HTR1A: variants seen among roughly 807,000 people sequenced by gnomAD.
HTR1A encodes 5-HT1a receptor.
A neutral mutation model predicts 24.6 loss-of-function variants in HTR1A; 17 were observed. That is an observed-to-expected ratio of 0.69 (90% confidence interval 0.47 to 1.04). The LOEUF (loss-of-function observed/expected upper bound fraction) is 1.04, where lower values mean the gene tolerates loss of function less well. Among genes scored for constraint, HTR1A ranks in the 50% least tolerant of loss-of-function variants. HTR1A has a pLI of 0.00. For synonymous variants in HTR1A, 262 were observed against 244.6 expected (o/e 1.07, Z -0.67); for missense variants, 515 against 565.1 (o/e 0.91, Z 0.90).
In HTR1A at chr5:63,960,625, A is replaced by T. The variant is rs763028970; in HGVS notation, c.1095T>A (p.Ala365=). The T allele has an allele frequency of 6.2e-7, 1 of 1,614,264 alleles. No homozygotes were observed. Among genetic ancestry groups the T allele is most frequent in the East Asian group, 2.2e-5 (1 of 44,874 alleles). Residue 365 remains alanine, a synonymous_variant, in exon 1 of 1, where the codon GCT becomes GCA. Coordinates refer to ENST00000323865, the MANE Select transcript of HTR1A (RefSeq NM_000524.4). The part of the protein sequence containing the change: ...ILCWLPFFIV[A]LVLPFCESSC... Reference sequence around the variant, plus strand: ...TGCTCTCGCAGAAGGGCAGAACAAGAGCCACGATGAAGAAGGGCAGCCAGC... The same window carrying T: ...TGCTCTCGCAGAAGGGCAGAACAAGTGCCACGATGAAGAAGGGCAGCCAGC...
rs1746378638 is a variant in HTR1A, at chr5:63,959,457, C to A, written c.*994G>T. Among the ~76,000 whole-genome samples the A allele has an allele frequency of 6.6e-6, 1 of 152,256 alleles. No individual in the cohort carries two copies. The highest frequency in any genetic ancestry group is 2.4e-5 in the African/African-American group (1 of 41,478). On this transcript the variant is annotated 3_prime_UTR_variant, in exon 1 of 1. Coordinates refer to ENST00000323865, the MANE Select transcript of HTR1A (RefSeq NM_000524.4). Reference sequence around the variant, plus strand: ...GAGAGCACAGATGGCTGGGGAGGCGCGCGGATTCCAGGCCTCTCAGCTTCC... The same window carrying A: ...GAGAGCACAGATGGCTGGGGAGGCGAGCGGATTCCAGGCCTCTCAGCTTCC...
rs1221427157 is a variant in HTR1A at position 63,959,402 on chromosome 5, G to C, written c.*1049C>G. ...AGGCGGAGGAACCCAGATCCTGTAAGTCAGCAGCCGGGAGCGCCTAGCGCG... is the reference window on the plus strand; with the variant it reads ...AGGCGGAGGAACCCAGATCCTGTAACTCAGCAGCCGGGAGCGCCTAGCGCG... On this transcript the variant is annotated 3_prime_UTR_variant, in exon 1 of 1. Transcript: ENST00000323865. 1.3e-5 allele frequency among the ~76,000 whole-genome samples: 2 copies of C among 152,252 alleles called. No individual in the cohort carries two copies. The highest frequency in any genetic ancestry group is 2.9e-5 in the Non-Finnish European group (2 of 68,050).
rs1480012750 is a variant in HTR1A at position 63,959,721 on chromosome 5, T to C, written c.*730A>G. On this transcript the variant is annotated 3_prime_UTR_variant, in exon 1 of 1. Transcript: ENST00000323865. Reference sequence around the variant, plus strand: ...GTACTTACAAGTCCACTCTAAAAGATACCTTCTAGCCACTTGCTTTGAGTC... The same window carrying C: ...GTACTTACAAGTCCACTCTAAAAGACACCTTCTAGCCACTTGCTTTGAGTC... Among the ~76,000 whole-genome samples the C allele has an allele frequency of 6.6e-6, 1 of 152,226 alleles. No individual in the cohort carries two copies. Among genetic ancestry groups the C allele is most frequent in the Admixed American group, 6.5e-5 (1 of 15,284 alleles).
chr5:63,961,861 C>G lies in HTR1A; in HGVS notation c.-142G>C, dbSNP rs1746448145. ...CAGAGACCCAAGCAGGAAGTTCTTA[C>G]TGCTTCGGCGAAGGGTATCTCCGAG... On this transcript the variant is annotated 5_prime_UTR_variant, in exon 1 of 1. Coordinates refer to ENST00000323865, the MANE Select transcript of HTR1A (RefSeq NM_000524.4). The G allele has an allele frequency of 1.2e-6, 1 of 824,444 alleles. No individual in the cohort carries two copies. The highest frequency in any genetic ancestry group is 2.0e-5 in the Admixed American group (1 of 48,836). 51.1% of individuals were successfully genotyped at this position (824,444 alleles called of 1,614,324 possible). A position where few individuals can be genotyped will look rare whatever the true frequency, so the allele number is the denominator to read the frequency against.
rs200842967 is a variant in HTR1A, at chr5:63,960,415, T to C, written c.*36A>G. The stretch of plus-strand genomic sequence containing the variant: ...GGGGAAGCATAGTGAATGGGACGGA[T>C]CCTGTAGCCTCGACTGGCCGGCTAC... On this transcript the variant is annotated 3_prime_UTR_variant, in exon 1 of 1. Transcript: ENST00000323865. The C allele has an allele frequency of 3.3e-5, 53 of 1,603,034 alleles. No individual in the cohort carries two copies. The South Asian group carries it at 5.5e-4, about 17-fold the overall frequency.
Position 63,960,561 on chromosome 5 carries a change from A to T in HTR1A, c.1159T>A (p.Trp387Arg), listed in dbSNP as rs771640828. The T allele has an allele frequency of 6.2e-7, 1 of 1,614,228 alleles. No individual in the cohort carries two copies. Among genetic ancestry groups the T allele is most frequent in the East Asian group, 2.2e-5 (1 of 44,874 alleles). The change falls in exon 1 of 1, where the codon TGG becomes AGG. Residue 387 changes from tryptophan (W) to arginine (R), a missense_variant. By Grantham distance (101) the Trp-to-Arg change is moderately radical. Around this residue, in one of 3 missense-constraint regions of HTR1A, gnomAD observed 381 missense variants for 384.5 expected, o/e 0.99. Transcript: ENST00000323865. ...MPTLLGAIIN[W>R]LGYSNSLLNP... The stretch of plus-strand genomic sequence containing the variant: ...AGCAGAGAGTTGGAGTAGCCCAGCC[A>T]ATTGATTATGGCGCCCAACAGGGTG...
At position 63,961,208 on chromosome 5, in the gene HTR1A, G is replaced by A. The variant is rs775315146; in HGVS notation, c.512C>T (p.Pro171Leu). 1.2e-6 allele frequency: 2 copies of A among 1,614,132 alleles called. No individual in the cohort carries two copies. Among genetic ancestry groups the A allele is most frequent in the Admixed American group, 3.3e-5 (2 of 60,036 alleles). ...WLIGFLISIP[P>L]MLGWRTPEDR... ...TTCCGGGGTGCGCCAGCCCAGCATGGGCGGGATAGAGATGAGGAAGCCAAT... is the reference window on the plus strand; with the variant it reads ...TTCCGGGGTGCGCCAGCCCAGCATGAGCGGGATAGAGATGAGGAAGCCAAT... The change falls in exon 1 of 1, where the codon CCC (proline) becomes CTC (leucine). Residue 171 changes from proline (P) to leucine (L), a missense_variant. Transcript: ENST00000323865.
In HTR1A at chr5:63,959,792, AAT is replaced by A. The variant is rs1746385365; in HGVS notation, c.*657_*658del. 1.3e-5 allele frequency among the ~76,000 whole-genome samples: 2 copies of A among 152,218 alleles called. No homozygotes were observed. The highest frequency in any genetic ancestry group is 2.9e-5 in the Non-Finnish European group (2 of 68,032). Reference sequence around the variant, plus strand: ...GGGTTGTGCACTGCACGAGAGAGTTAATCTCAAGTCTGCGAGAAGACGGGGAA... The same window carrying A: ...GGGTTGTGCACTGCACGAGAGAGTTACTCAAGTCTGCGAGAAGACGGGGAA... On this transcript the variant is annotated 3_prime_UTR_variant, in exon 1 of 1. Coordinates refer to ENST00000323865, the MANE Select transcript of HTR1A (RefSeq NM_000524.4).
rs1469830559 is a variant in HTR1A at position 63,959,464 on chromosome 5, T to C, written c.*987A>G. On this transcript the variant is annotated 3_prime_UTR_variant, in exon 1 of 1. Transcript: ENST00000323865. ...CAGATGGCTGGGGAGGCGCGCGGAT[T>C]CCAGGCCTCTCAGCTTCCCCAGAGC... 1.3e-5 allele frequency among the ~76,000 whole-genome samples: 2 copies of C among 152,236 alleles called. No homozygotes were observed. The highest frequency in any genetic ancestry group is 2.9e-5 in the Non-Finnish European group (2 of 68,038).
Position 63,961,214 on chromosome 5 carries a change from A to C in HTR1A, c.506T>G (p.Ile169Ser). The change falls in exon 1 of 1, where the codon ATC becomes AGC. Residue 169 changes from isoleucine (I) to serine (S), a missense_variant. By Grantham distance (142) the Ile-to-Ser change is moderately radical. Transcript: ENST00000323865. The part of the protein sequence containing the change: ...LTWLIGFLIS[I>S]PPMLGWRTPE... ...GGTGCGCCAGCCCAGCATGGGCGGG[A>C]TAGAGATGAGGAAGCCAATAAGCCA... is the stretch of plus-strand genomic sequence containing the variant. The C allele has an allele frequency of 6.2e-7, 1 of 1,614,064 alleles. No homozygotes were observed. The highest frequency in any genetic ancestry group is 8.5e-7 in the Non-Finnish European group (1 of 1,180,034).
At position 63,961,752 on chromosome 5, in the gene HTR1A, AG is replaced by A; in HGVS notation, c.-34del. The A allele has an allele frequency of 6.2e-7, 1 of 1,611,640 alleles. No homozygotes were observed. The highest frequency in any genetic ancestry group is 2.2e-5 in the East Asian group (1 of 44,850). On this transcript the variant is annotated 5_prime_UTR_variant, in exon 1 of 1. Transcript: ENST00000323865. ...CGCCCGGCGCGGGAAGGGGGAGGGA[AG>A]AAAAAGCAGCGCGAAGATTCGCCTC...
In HTR1A at chr5:63,961,636, G is replaced by A. The variant is rs1746442153; in HGVS notation, c.84C>T (p.Ile28=). The change falls in exon 1 of 1, where the codon ATC becomes ATT. Residue 28 remains isoleucine, a synonymous_variant. Coordinates refer to ENST00000323865, the MANE Select transcript of HTR1A (RefSeq NM_000524.4). ...PFETGGNTTG[I]SDVTVSYQVI... ...CTTGGTAGCTGACGGTCACGTCGGAGATACCAGTAGTGTTGCCGCCGGTCT... is the reference window on the plus strand; with the variant it reads ...CTTGGTAGCTGACGGTCACGTCGGAAATACCAGTAGTGTTGCCGCCGGTCT... The A allele has an allele frequency of 6.2e-7, 1 of 1,613,790 alleles. No homozygotes were observed. The highest frequency in any genetic ancestry group is 8.5e-7 in the Non-Finnish European group (1 of 1,180,054).
At position 63,961,153 on chromosome 5, in the gene HTR1A, A is replaced by C; in HGVS notation, c.567T>G (p.Ile189Met). 1 of 1,614,186 alleles carries C rather than the reference A, an allele frequency of 6.2e-7. No individual in the cohort carries two copies. The highest frequency in any genetic ancestry group is 1.1e-5 in the South Asian group (1 of 91,080). Reference protein sequence around the residue: ...EDRSDPDACTISKDHGYTIYS... With the variant: ...EDRSDPDACTMSKDHGYTIYS... Reference sequence around the variant, plus strand: ...AGATAGTGTAGCCATGATCCTTGCTAATGGTGCATGCGTCGGGGTCCGAGC... The same window carrying C: ...AGATAGTGTAGCCATGATCCTTGCTCATGGTGCATGCGTCGGGGTCCGAGC... The change falls in exon 1 of 1, where the codon ATT becomes ATG. Residue 189 changes from isoleucine (I) to methionine (M), a missense_variant. This residue lies in a region of HTR1A where 381 missense variants were observed against 384.5 expected (regional missense o/e 0.99). Transcript: ENST00000323865.
Position 63,961,532 on chromosome 5 carries a change from A to G in HTR1A, c.188T>C (p.Leu63Ser). 1 of 1,614,254 alleles carries G rather than the reference A, an allele frequency of 6.2e-7. No individual in the cohort carries two copies. Among genetic ancestry groups the G allele is most frequent in the South Asian group, 1.1e-5 (1 of 91,092 alleles). ...GGCCACGTTCTGCAGGGAGCGCTCC[A>G]AGGCGATGGCAGCCACCACGCACGC... is the stretch of plus-strand genomic sequence containing the variant. ...GNACVVAAIA[L>S]ERSLQNVANY... Residue 63 changes from leucine (L) to serine (S), a missense_variant, in exon 1 of 1, where the codon TTG (leucine) becomes TCG (serine). Coordinates refer to ENST00000323865, the MANE Select transcript of HTR1A (RefSeq NM_000524.4).
rs1746379690 is a variant in HTR1A at position 63,959,509 on chromosome 5, C to A, written c.*942G>T. The stretch of plus-strand genomic sequence containing the variant: ...CAGAGCGCAAACAGCGGCCGGCTGG[C>A]GCCTCCCGCAGTAAGTAAGTGGCGA... On this transcript the variant is annotated 3_prime_UTR_variant, in exon 1 of 1. Transcript: ENST00000323865. Among the ~76,000 whole-genome samples, 1 of 152,246 alleles carries A rather than the reference C, an allele frequency of 6.6e-6. No homozygotes were observed. The highest frequency in any genetic ancestry group is 2.1e-4 in the South Asian group (1 of 4,838).
Position 63,961,632 on chromosome 5 carries a change from C to T in HTR1A, c.88G>A (p.Asp30Asn), listed in dbSNP as rs1424623447. Residue 30 changes from aspartate (D) to asparagine (N), a missense_variant, in exon 1 of 1, where the codon GAC (aspartate) becomes AAC (asparagine). Coordinates refer to ENST00000323865, the MANE Select transcript of HTR1A (RefSeq NM_000524.4). ...ATCACTTGGTAGCTGACGGTCACGTCGGAGATACCAGTAGTGTTGCCGCCG... is the reference window on the plus strand; with the variant it reads ...ATCACTTGGTAGCTGACGGTCACGTTGGAGATACCAGTAGTGTTGCCGCCG... ...ETGGNTTGIS[D>N]VTVSYQVITS... 3 of 1,613,900 alleles carry T rather than the reference C, an allele frequency of 1.9e-6. No homozygotes were observed. The highest frequency in any genetic ancestry group is 1.3e-5 in the African/African-American group (1 of 75,072).
At position 63,961,871 on chromosome 5, in the gene HTR1A, G is replaced by C. The variant is rs1800046; in HGVS notation, c.-152C>G. 1 of 753,692 alleles carries C rather than the reference G, an allele frequency of 1.3e-6. No individual in the cohort carries two copies. The highest frequency in any genetic ancestry group is 2.7e-5 in the East Asian group (1 of 37,224). The allele number at this position is 753,692 out of a possible 1,614,324, so 46.7% of individuals were successfully genotyped here. On this transcript the variant is annotated 5_prime_UTR_variant, in exon 1 of 1. Coordinates refer to ENST00000323865, the MANE Select transcript of HTR1A (RefSeq NM_000524.4). ...AGCAGGAAGTTCTTACTGCTTCGGC[G>C]AAGGGTATCTCCGAGGAGCAGCTTT...
rs1746403102 is a variant in HTR1A, at chr5:63,960,429, C to T, written c.*22G>A. ...AATGGGACGGATCCTGTAGCCTCGA[C>T]TGGCCGGCTACTCCTCCGTCATCAC... On this transcript the variant is annotated 3_prime_UTR_variant, in exon 1 of 1. Coordinates refer to ENST00000323865, the MANE Select transcript of HTR1A (RefSeq NM_000524.4). 1 of 1,612,772 alleles carries T rather than the reference C, an allele frequency of 6.2e-7. No homozygotes were observed. The highest frequency in any genetic ancestry group is 1.1e-5 in the South Asian group (1 of 91,052).
Position 63,961,403 on chromosome 5 carries a change from T to A in HTR1A, c.317A>T (p.Gln106Leu). 6.2e-7 allele frequency: 1 copy of A among 1,613,852 alleles called. No individual in the cohort carries two copies. The change falls in exon 1 of 1, where the codon CAG (glutamine) becomes CTG (leucine). Residue 106 changes from glutamine to leucine, a missense_variant. Around this residue, in one of 3 missense-constraint regions of HTR1A, gnomAD observed 80 missense variants for 130.8 expected, o/e 0.61. Coordinates refer to ENST00000323865, the MANE Select transcript of HTR1A (RefSeq NM_000524.4). Reference protein sequence around the residue: ...YQVLNKWTLGQVTCDLFIALD... With the variant: ...YQVLNKWTLGLVTCDLFIALD... ...GGCGATGAACAGGTCGCAGGTTACC[T>A]GGCCCAGTGTCCACTTGTTGAGCAC... is the stretch of plus-strand genomic sequence containing the variant.
Sources: gnomAD v4.1 joint callset for allele counts (sites outside exome capture counted in the v4.1 genomes callset) on GRCh38, gnomAD v4.1.1 for gene constraint, gnomAD v4.1.1 regional missense constraint, MANE v1.5 for transcripts, NCBI Gene and HGNC (gene_info 2026-07-23, HGNC 2026-07-21) for gene names.